Variants in PYGO1 observed in about 807,000 individuals in gnomAD.
PYGO1 encodes pygopus family PHD finger 1, also known as pygopus homolog 1.
Under a neutral mutation model 29.5 loss-of-function variants are expected in PYGO1, and 6 were observed. That is an observed-to-expected ratio of 0.20 (90% CI 0.11 to 0.40). PYGO1 has a LOEUF of 0.40. PYGO1 is among the 10% of genes least tolerant of loss of function. The pLI is 1.00. For missense variants in PYGO1, 515 were observed against 514.9 expected, an observed-to-expected ratio of 1.00 and a Z score of 0.00; for synonymous variants, 186 against 180.5, an observed-to-expected ratio of 1.03 and a Z score of -0.24.
intron 1 of PYGO1, among the ~76,000 whole-genome samples, chr15:55,556,463 C>G (rs952726840): frequency 2.6e-5 from 4 of 152,090 alleles, no homozygotes; most frequent in African/African-American, 9.7e-5. Context: ...AACAAAGAGA[C>G]AATGTACCAG....
rs2058830502 is a variant in PYGO1 at position 55,542,177 on chromosome 15, ACT to A, written c.*3844_*3845del. The stretch of plus-strand genomic sequence containing the variant: ...AGTACATTGAACAATAAGTGCTAAA[ACT>A]CTAATTTGTTCGAGACAAACAAGTT... On this transcript the variant is annotated 3_prime_UTR_variant, in exon 3 of 3. Coordinates refer to ENST00000563719, the MANE Select transcript of PYGO1 (RefSeq NM_001367806.1). 6.6e-6 allele frequency: 1 copy of A among 152,152 alleles called. No homozygotes were observed. Among genetic ancestry groups the A allele is most frequent in the Admixed American group, 6.6e-5 (1 of 15,266 alleles). 9.4% of individuals were successfully genotyped at this position (152,152 alleles called of 1,614,324 possible).
chr15:55,551,656 A>T (rs1478058668), intron 1 of PYGO1, among the ~76,000 whole-genome samples: 1 of 151,948 alleles, frequency 6.6e-6, no homozygotes, highest in Non-Finnish European at 1.5e-5. Context: ...TTAAAAAAAA[A>T]ATTAGCCAGG....
intron 1 of PYGO1, among the ~76,000 whole-genome samples, chr15:55,561,538 G>A (rs1398750871): frequency 2.0e-5 from 3 of 152,110 alleles, no homozygotes; most frequent in Admixed American, 1.3e-4. Flanking sequence ...AATCTCCTGA[G>A]AACTCACTCG....
rs12591691 is a variant in PYGO1, at chr15:55,565,404, A to T, written c.50-16409T>A. The stretch of plus-strand genomic sequence containing the variant: ...TTTCATTTCTCTATAATGTATATTT[A>T]AAAATCATATGTATTTTGGCCAAGC... On this transcript the variant is annotated intron_variant, in intron 1 of 2. Coordinates refer to ENST00000563719, the MANE Select transcript of PYGO1 (RefSeq NM_001367806.1). 6.3e-3 allele frequency among the ~76,000 whole-genome samples: 957 copies of T among 152,214 alleles called. 9 individuals are homozygous for T. Among genetic ancestry groups the T allele is most frequent in the Middle Eastern group, 0.014 (4 of 294 alleles).
chr15:55,554,468 C>CAAAAAAAAAAAAAAAAA (rs56216226), intron 1 of PYGO1, among the ~76,000 whole-genome samples: 37 of 122,892 alleles, frequency 3.0e-4, no homozygotes, highest in Middle Eastern at 4.0e-3. Context: ...GACTCTGTCT[C>CAAAAAAAAAAAAAAAAA]AAAAAAAAAA....
intron 1 of PYGO1, among the ~76,000 whole-genome samples, chr15:55,554,330 G>A (rs2058893428): frequency 6.6e-6 from 1 of 151,962 alleles, no homozygotes; most frequent in East Asian, 1.9e-4. Flanking sequence ...TTATCAGGGT[G>A]TGGTGGTGGG....
At chr15:55,588,834 GA>G, upstream of PYGO1, 1 of 1,614,038 alleles carries the variant, frequency 6.2e-7, no homozygotes, top group Non-Finnish European at 8.5e-7. Flanking sequence ...GCGGGAGCTG[GA>G]GAGTTCTCGG....
chr15:55,585,663 CT>C (rs1362399266), intron 1 of PYGO1, among the ~76,000 whole-genome samples: 2 of 152,292 alleles, frequency 1.3e-5, no homozygotes, highest in Middle Eastern at 6.8e-3. Context: ...CGCCATAGAA[CT>C]TAACAGCAGT....
intron 1 of PYGO1, among the ~76,000 whole-genome samples, chr15:55,574,771 G>A (rs1374415307): frequency 6.6e-6 from 1 of 151,232 alleles, no homozygotes; most frequent in Non-Finnish European, 1.5e-5. Flanking sequence ...ACAATATATG[G>A]CCTTATCCAC....
chr15:55,552,512 G>C (rs1483470321), intron 1 of PYGO1, among the ~76,000 whole-genome samples: 1 of 151,958 alleles, frequency 6.6e-6, no homozygotes, highest in Non-Finnish European at 1.5e-5. Flanking sequence ...GACCCACAGA[G>C]AATGAAGAAA....
intron 1 of PYGO1, among the ~76,000 whole-genome samples, chr15:55,569,048 TTTC>T (rs1163658570): frequency 1.3e-5 from 2 of 152,074 alleles, no homozygotes; most frequent in Admixed American, 6.6e-5. Flanking sequence ...GGCCTATAGC[TTTC>T]TTTTTTTTTT....
In PYGO1 at chr15:55,587,878, T is replaced by G. The variant is rs748044445; in HGVS notation, c.6A>C (p.Ser2=). 14 of 1,488,040 alleles carry G rather than the reference T, an allele frequency of 9.4e-6. No individual in the cohort carries two copies. In the South Asian group the frequency reaches 1.8e-4, roughly 19 times the overall value. 92.2% of individuals were successfully genotyped at this position (1,488,040 alleles called of 1,614,324 possible). Reference sequence around the variant, plus strand: ...AAATGGGATCCTTCTCCTGTTCTGCTGACATTACAGACCGCAAAGCATGAC... The same window carrying G: ...AAATGGGATCCTTCTCCTGTTCTGCGGACATTACAGACCGCAAAGCATGAC... The part of the protein sequence containing the change: M[S]AEQEKDPISL... The change falls in exon 1 of 3, where the codon TCA becomes TCC. Residue 2 remains serine (S), a synonymous_variant. Coordinates refer to ENST00000563719, the MANE Select transcript of PYGO1 (RefSeq NM_001367806.1).
chr15:55,568,975 T>C (rs1036991103), intron 1 of PYGO1, among the ~76,000 whole-genome samples: 65 of 152,192 alleles, frequency 4.3e-4, no homozygotes, highest in African/African-American at 1.4e-3. Flanking sequence ...TTTGATGTGC[T>C]ATTGAATTTG....
At chr15:55,560,055 G>A (rs567146472) in intron 1 of PYGO1, among the ~76,000 whole-genome samples, 39 of 152,022 alleles carry the variant, frequency 2.6e-4, no homozygotes, top group Admixed American at 1.1e-3. Context: ...CCATATATAT[G>A]ACAAACCCAC....
At position 55,546,420 on chromosome 15, in the gene PYGO1, C is replaced by T. The variant is rs751942366; in HGVS notation, c.863G>A (p.Arg288His). 23 of 1,613,968 alleles carry T rather than the reference C, an allele frequency of 1.4e-5. 1 individual carries two copies. The highest frequency in any genetic ancestry group is 4.5e-5 in the East Asian group (2 of 44,890). ...RNNAVNQENS[R>H]SSSTEATNNN... ...GTTTGTGGCTTCAGTGCTACTTGAA[C>T]GGCTGTTCTCCTGATTTACTGCATT... The change falls in exon 3 of 3, where the codon CGT becomes CAT. Residue 288 changes from arginine to histidine, a missense_variant. Coordinates refer to ENST00000563719, the MANE Select transcript of PYGO1 (RefSeq NM_001367806.1).
At chr15:55,586,796 C>T (rs1041085800) in intron 1 of PYGO1, among the ~76,000 whole-genome samples, 2 of 152,236 alleles carry the variant, frequency 1.3e-5, no homozygotes, top group African/African-American at 2.4e-5. Context: ...CTTTCATGAT[C>T]ACCTTACATA....
chr15:55,588,931 A>AT, upstream of PYGO1: 1 of 1,308,546 alleles, frequency 7.6e-7, no homozygotes, highest in Non-Finnish European at 1.1e-6. Flanking sequence ...TCCACTTGGT[A>AT]TTTTAACGAC....
intron 1 of PYGO1, among the ~76,000 whole-genome samples, chr15:55,549,515 C>A (rs540515986): frequency 5.3e-5 from 8 of 152,080 alleles, no homozygotes; most frequent in Non-Finnish European, 1.2e-4. Flanking sequence ...TTAAACTAGT[C>A]CCCTCCATAT....
At position 55,546,132 on chromosome 15, in the gene PYGO1, G is replaced by A; in HGVS notation, c.1151C>T (p.Ala384Val). The A allele has an allele frequency of 6.2e-7, 1 of 1,614,172 alleles. No homozygotes were observed. The highest frequency in any genetic ancestry group is 8.5e-7 in the Non-Finnish European group (1 of 1,180,022). The part of the protein sequence containing the change: ...MTETAYGLLT[A>V]EASAVWGCDT... Reference sequence around the variant, plus strand: ...ACAGCCCCATACTGCAGATGCTTCTGCAGTTAAGAGGCCATAAGCTGTTTC... The same window carrying A: ...ACAGCCCCATACTGCAGATGCTTCTACAGTTAAGAGGCCATAAGCTGTTTC... Residue 384 changes from alanine (A) to valine (V), a missense_variant, in exon 3 of 3, where the codon GCA becomes GTA. Physicochemically the swap from Ala to Val is moderately conservative, Grantham distance 64. Transcript: ENST00000563719.
Sources: allele counts gnomAD v4.1 joint callset (sites outside exome capture counted in the v4.1 genomes callset), GRCh38; gene constraint gnomAD v4.1.1; transcripts MANE v1.5; gene names NCBI Gene and HGNC (gene_info 2026-07-23, HGNC 2026-07-21).